The following RPTOR variants were observed in gnomAD, a reference collection of about 807,000 sequenced individuals.
The protein encoded by RPTOR is regulatory-associated protein of mTOR.
In RPTOR, 21 loss-of-function variants were observed where a neutral mutation model predicts 169.9. The ratio of observed to expected loss-of-function variants is 0.12; its 90% CI spans 0.09 to 0.18. The LOEUF (loss-of-function observed/expected upper bound fraction) is 0.18. Ranked by LOEUF, RPTOR falls within the 10% of genes least tolerant of loss-of-function variation. RPTOR has a pLI of 1.00. For synonymous variants in RPTOR, 732 were observed against 753.2 expected (o/e 0.97, Z 0.46); for missense variants, 1,133 against 1,855.9 (o/e 0.61, Z 7.16).
At chr17:80,692,249 C>CTA (rs1216300913) in intron 3 of RPTOR, among the ~76,000 whole-genome samples, 1 of 151,914 alleles carries the variant, frequency 6.6e-6, no homozygotes, top group East Asian at 1.9e-4. Flanking sequence ...GTAGCCAAGA[C>CTA]TATAGGTGCA....
chr17:80,709,696 T>G (rs1164854658), intron 4 of RPTOR, among the ~76,000 whole-genome samples: 1 of 152,052 alleles, frequency 6.6e-6, no homozygotes, highest in Admixed American at 6.5e-5. Flanking sequence ...TCTCCAGCAC[T>G]GGGTGTTGTC....
At chr17:80,868,642 A>G (rs897562169) in intron 13 of RPTOR, among the ~76,000 whole-genome samples, 2 of 152,222 alleles carry the variant, frequency 1.3e-5, no homozygotes, top group African/African-American at 4.8e-5. Context: ...CCCAAGAGAA[A>G]TGGAAGCATG....
In RPTOR at chr17:80,823,489, G is replaced by A. The variant is rs2067405242; in HGVS notation, c.1136+266G>A. 5.2e-6 allele frequency: 2 copies of A among 381,686 alleles called. No individual in the cohort carries two copies. The highest frequency in any genetic ancestry group is 9.5e-6 in the Non-Finnish European group (2 of 210,856). 23.6% of individuals were successfully genotyped at this position (381,686 alleles called of 1,614,324 possible). On this transcript the variant is annotated intron_variant, in intron 9 of 33. Transcript: ENST00000306801. The surrounding 1 kb of genome is among the most constrained non-coding windows in gnomAD (Gnocchi z 4.5). The stretch of plus-strand genomic sequence containing the variant: ...CTGAAGCCTCACAGCTCTGCAACTC[G>A]GGAGGGTAGCACTTTGCAAGAGAGT...
Position 80,870,528 on chromosome 17 carries a change from G to A in RPTOR, c.1510-9887G>A, listed in dbSNP as rs551206359. ...CTCCCCCTTCCTCACACACGTACAC[G>A]CAAAACTCAATTCAAAAAATGTGCA... On this transcript the variant is annotated intron_variant, in intron 13 of 33. Transcript: ENST00000306801. 1.7e-4 allele frequency among the ~76,000 whole-genome samples: 26 copies of A among 152,092 alleles called. No homozygotes were observed. In the South Asian group the frequency reaches 1.9e-3, roughly 11 times the overall value.
intron 4 of RPTOR, among the ~76,000 whole-genome samples, chr17:80,717,482 T>G (rs1486112922): frequency 2.0e-5 from 3 of 152,206 alleles, no homozygotes; most frequent in African/African-American, 7.2e-5. Flanking sequence ...TGTTATTCCA[T>G]TAGTTTATCC....
At chr17:80,893,941 G>A (rs1339465114) in intron 20 of RPTOR, 76 bp downstream of exon 20, 5 of 1,370,584 alleles carry the variant, frequency 3.6e-6, no homozygotes, top group Non-Finnish European at 4.9e-6. Context: ...ACAGACCTGT[G>A]TCTGCATCAG....
Position 80,891,714 on chromosome 17 carries a change from C to G in RPTOR, c.1984-6C>G, listed in dbSNP as rs201831934. 479 of 1,597,136 alleles carry G rather than the reference C, an allele frequency of 3.0e-4. 2 individuals are homozygous for G. The highest frequency in any genetic ancestry group is 6.3e-5 in the Non-Finnish European group (73 of 1,165,526). On this transcript the variant is annotated splice_polypyrimidine_tract_variant and splice_region_variant and intron_variant, in intron 17 of 33. Coordinates refer to ENST00000306801, the MANE Select transcript of RPTOR (RefSeq NM_020761.3). ...GACTGTTATTGTCCCTTCTCCCTCT[C>G]GGCAGGAGCTGGTGGTGGCTCTGAG...
At chr17:80,676,239 G>A (rs540587446) in intron 3 of RPTOR, among the ~76,000 whole-genome samples, 1 of 152,364 alleles carries the variant, frequency 6.6e-6, no homozygotes, top group South Asian at 2.1e-4. Flanking sequence ...GAAAGTTCCA[G>A]TAGGTTAGAA....
At chr17:80,822,713 T>C (rs2067393687) in intron 8 of RPTOR, among the ~76,000 whole-genome samples, 1 of 152,212 alleles carries the variant, frequency 6.6e-6, no homozygotes, top group Non-Finnish European at 1.5e-5. Flanking sequence ...TGTGTGTACA[T>C]GTGTACATGT....
chr17:80,602,816 GC>G, intron 1 of RPTOR: 1 of 666,722 alleles, frequency 1.5e-6, no homozygotes. Flanking sequence ...GCTTCATGAA[GC>G]CCACTCCGTG....
chr17:80,830,946 G>C (rs1439992803), intron 9 of RPTOR, among the ~76,000 whole-genome samples: 1 of 151,928 alleles, frequency 6.6e-6, no homozygotes, highest in African/African-American at 2.4e-5. Context: ...GGTTTCACCA[G>C]GTTGCTCAGG....
chr17:80,901,175 G>C (rs73355805), intron 20 of RPTOR, among the ~76,000 whole-genome samples: 1 of 152,116 alleles, frequency 6.6e-6, no homozygotes, highest in East Asian at 1.9e-4. Context: ...TGTTATCCTC[G>C]GTACTGGTCT....
intron 24 of RPTOR, among the ~76,000 whole-genome samples, chr17:80,930,313 C>CAGCTT (rs2068868860): frequency 1.0e-4 from 1 of 9,748 alleles, no homozygotes; most frequent in African/African-American, 3.9e-4. Context: ...AGCTCATCCC[C>CAGCTT]AGCTCAGCTC....
chr17:80,673,787 T>G (rs2065840276), intron 3 of RPTOR, among the ~76,000 whole-genome samples: 1 of 152,248 alleles, frequency 6.6e-6, no homozygotes, highest in African/African-American at 2.4e-5. Flanking sequence ...CTCATCTGAG[T>G]GCAGCATTGG....
intron 1 of RPTOR, among the ~76,000 whole-genome samples, chr17:80,554,498 C>A (rs1431492801): frequency 6.6e-6 from 1 of 152,014 alleles, no homozygotes; most frequent in African/African-American, 2.4e-5. Context: ...AATCCCAGCA[C>A]TTTGGGAGAC....
At chr17:80,874,904 C>T (rs1235207770) in intron 13 of RPTOR, among the ~76,000 whole-genome samples, 1 of 152,200 alleles carries the variant, frequency 6.6e-6, no homozygotes, top group Non-Finnish European at 1.5e-5. Flanking sequence ...CTAAACTCTT[C>T]TACCCAGTGG....
chr17:80,798,919 C>T (rs1157668664), intron 7 of RPTOR, among the ~76,000 whole-genome samples: 1 of 152,178 alleles, frequency 6.6e-6, no homozygotes, highest in African/African-American at 2.4e-5. Flanking sequence ...CATGACTGTC[C>T]TCCTGTCCAC....
chr17:80,962,375 C>G, intron 31 of RPTOR, 86 bp from the exon 32 acceptor site: 5 of 1,047,324 alleles, frequency 4.8e-6, no homozygotes, highest in Non-Finnish European at 7.3e-6. Context: ...GGTGTGCGAC[C>G]CCACACACCT....
intron 10 of RPTOR, among the ~76,000 whole-genome samples, chr17:80,842,585 A>G (rs1238298092): frequency 6.6e-6 from 1 of 152,228 alleles, no homozygotes; most frequent in African/African-American, 2.4e-5. Flanking sequence ...TTATTTGGCT[A>G]TGATGGTTCA....
Sources: gnomAD v4.1 joint callset for allele counts (sites outside exome capture counted in the v4.1 genomes callset) on GRCh38, gnomAD v4.1.1 for gene constraint, Gnocchi (gnomAD v3.1) non-coding constraint, MANE v1.5 for transcripts, NCBI Gene and HGNC (gene_info 2026-07-23, HGNC 2026-07-21) for gene names.